The following KLHL25 variants were observed in gnomAD, a reference collection of about 807,000 sequenced individuals.
KLHL25 encodes kelch like family member 25.
In KLHL25, 41 loss-of-function variants were observed where a neutral mutation model predicts 30.0. That is an observed-to-expected ratio of 1.37 (90% CI 1.07 to 1.78). The LOEUF is 1.78. KLHL25 is among the 40% of genes most tolerant of loss of function. The pLI is 0.00. For missense variants in KLHL25, 971 were observed against 824.5 expected (o/e 1.18, Z -2.18); for synonymous variants, 399 against 355.3 (o/e 1.12, Z -1.38).
intron 1 of KLHL25, among the ~76,000 whole-genome samples, chr15:85,774,939 C>T (rs1016234776): frequency 1.3e-5 from 2 of 150,306 alleles, no homozygotes; most frequent in African/African-American, 2.4e-5. Context: ...TGCAATGGCG[C>T]GATCTCAGCT....
intron 1 of KLHL25, among the ~76,000 whole-genome samples, chr15:85,776,982 C>T (rs1405207234): frequency 1.3e-5 from 2 of 152,054 alleles, no homozygotes; most frequent in African/African-American, 2.4e-5. Context: ...AGTGAAGCCA[C>T]AAGAATTGTG....
At chr15:85,770,063 A>T (rs16944140) in intron 1 of KLHL25, among the ~76,000 whole-genome samples, 409 of 152,342 alleles carry the variant, frequency 2.7e-3, no homozygotes, top group African/African-American at 9.2e-3. Flanking sequence ...TGGGACAAAC[A>T]TCTCTGGCCT....
intron 1 of KLHL25, among the ~76,000 whole-genome samples, chr15:85,778,536 G>T (rs762008386): frequency 1.3e-5 from 2 of 152,204 alleles, no homozygotes; most frequent in East Asian, 1.9e-4. Context: ...CACAGCTTAG[G>T]AAACTGGGCA....
Position 85,769,709 on chromosome 15 carries a change from G to T in KLHL25, c.102C>A (p.Ala34=), listed in dbSNP as rs764807391. The change falls in exon 2 of 3, where the codon GCC becomes GCA. Residue 34 remains alanine, a synonymous_variant. Coordinates refer to ENST00000337975, the MANE Select transcript of KLHL25 (RefSeq NM_022480.4). ...AGTGCTTGCGAAGCGTGTTGAGGTG[G>T]GCCAGCACACAGTCCGGGTGGGAGG... The part of the protein sequence containing the change: ...HKASHPDCVL[A]HLNTLRKHCM... The T allele has an allele frequency of 6.2e-7, 1 of 1,613,972 alleles. No homozygotes were observed. Among genetic ancestry groups the T allele is most frequent in the Non-Finnish European group, 8.5e-7 (1 of 1,180,036 alleles).
chr15:85,769,859 C>T (rs755685094), intron 1 of KLHL25, 39 bp from the exon 2 acceptor site: 14 of 1,518,004 alleles, frequency 9.2e-6, no homozygotes, highest in Non-Finnish European at 1.3e-5. Flanking sequence ...AGGAGCCCCT[C>T]CTGCCCATCT....
At chr15:85,793,441 C>A (rs888809100) in intron 1 of KLHL25, among the ~76,000 whole-genome samples, 39 of 152,190 alleles carry the variant, frequency 2.6e-4, no homozygotes, top group Non-Finnish European at 1.0e-4. Flanking sequence ...CAAGAGCCTC[C>A]GGTCTTGGGA....
intron 1 of KLHL25, among the ~76,000 whole-genome samples, chr15:85,791,066 G>A (rs896726079): frequency 6.6e-5 from 10 of 151,730 alleles, no homozygotes; most frequent in African/African-American, 1.5e-4. Flanking sequence ...GCATGGTGGC[G>A]GGTGCCTGTA....
Position 85,768,988 on chromosome 15 carries a change from T to C in KLHL25, c.823A>G (p.Arg275Gly), listed in dbSNP as rs2089647750. ...IMDEALRCKTRILQNDGVVTS... is the reference protein window; with the variant it reads ...IMDEALRCKTGILQNDGVVTS... The stretch of plus-strand genomic sequence containing the variant: ...ACCACGCCATCATTCTGCAGGATCC[T>C]GGTCTTGCAGCGCAGGGCCTCATCC... The change falls in exon 2 of 3, where the codon AGG (arginine) becomes GGG (glycine). Residue 275 changes from arginine (R) to glycine (G), a missense_variant. Coordinates refer to ENST00000337975, the MANE Select transcript of KLHL25 (RefSeq NM_022480.4). 6.2e-7 allele frequency: 1 copy of C among 1,612,698 alleles called. No individual in the cohort carries two copies. The highest frequency in any genetic ancestry group is 1.6e-4 in the Middle Eastern group (1 of 6,062).
At chr15:85,780,678 C>T (rs965179705) in intron 1 of KLHL25, among the ~76,000 whole-genome samples, 2 of 152,220 alleles carry the variant, frequency 1.3e-5, no homozygotes, top group Non-Finnish European at 2.9e-5. Flanking sequence ...CTTCTCTAGG[C>T]TGTCAACGCT....
intron 2 of KLHL25, among the ~76,000 whole-genome samples, chr15:85,767,395 C>T (rs905905869): frequency 6.6e-5 from 10 of 152,240 alleles, no homozygotes; most frequent in Non-Finnish European, 1.0e-4. Context: ...CCACCATGCC[C>T]GGGCCTGGTT....
chr15:85,768,071 A>G lies in KLHL25; in HGVS notation c.1740T>C (p.Phe580=), dbSNP rs371623117. 133 of 1,612,970 alleles carry G rather than the reference A, an allele frequency of 8.2e-5. No individual in the cohort carries two copies. Among genetic ancestry groups the G allele is most frequent in the Admixed American group, 4.5e-4 (27 of 59,980 alleles). ...TVPYSLIPTA[F]VSTWKHLPA is the part of the protein sequence containing the mutation. ...CGGGCAGGTGCTTCCAGGTGCTGAC[A>G]AAGGCCGTGGGGATAAGTGAGTAGG... is the stretch of plus-strand genomic sequence containing the variant. Residue 580 remains phenylalanine (F), a synonymous_variant, in exon 2 of 3, where the codon TTT becomes TTC. Transcript: ENST00000337975.
At chr15:85,770,864 C>G in intron 1 of KLHL25, 1 of 337,840 alleles carries the variant, frequency 3.0e-6, no homozygotes, top group Non-Finnish European at 5.8e-6. Flanking sequence ...TCACTACTTG[C>G]TCAATCTAGG....
chr15:85,766,537 G>GC (rs1329028486), intron 2 of KLHL25, among the ~76,000 whole-genome samples: 2 of 151,388 alleles, frequency 1.3e-5, no homozygotes, highest in East Asian at 3.8e-4. Flanking sequence ...GGAAGACCCC[G>GC]CCCCCAGCTC....
At position 85,763,276 on chromosome 15, in the gene KLHL25, C is replaced by T. The variant is rs117304344; in HGVS notation, c.*25-2265G>A. On this transcript the variant is annotated intron_variant, in intron 2 of 2. Coordinates refer to ENST00000337975, the MANE Select transcript of KLHL25 (RefSeq NM_022480.4). ...AGGTTCCAGCTCAGCAATTCCCCGCCGCTTCTGGACGGCTGCTGGCCAAGC... is the reference window on the plus strand; with the variant it reads ...AGGTTCCAGCTCAGCAATTCCCCGCTGCTTCTGGACGGCTGCTGGCCAAGC... 581 of 152,478 alleles carry T rather than the reference C, an allele frequency of 3.8e-3. 2 individuals are homozygous for T. The highest frequency in any genetic ancestry group is 4.4e-3 in the Non-Finnish European group (297 of 68,164). 9.4% of individuals were successfully genotyped at this position (152,478 alleles called of 1,614,324 possible).
intron 1 of KLHL25, among the ~76,000 whole-genome samples, chr15:85,780,086 C>T (rs2089733959): frequency 6.6e-6 from 1 of 152,218 alleles, no homozygotes; most frequent in Admixed American, 6.5e-5. Flanking sequence ...ACTGTCAAGG[C>T]AGATGGAAGG....
In KLHL25 at chr15:85,769,217, C is replaced by T. The variant is rs143930621; in HGVS notation, c.594G>A (p.Ser198=). 0.013 allele frequency: 21,377 copies of T among 1,613,736 alleles called. 184 individuals carry two copies. Among genetic ancestry groups the T allele is most frequent in the Non-Finnish European group, 0.016 (18,338 of 1,180,020 alleles). The change falls in exon 2 of 3, where the codon TCG becomes TCA. Residue 198 remains serine (S), a synonymous_variant. Transcript: ENST00000337975. ...CGTCCTCGGTCTCCAGCTCATCACT[C>T]GAGATGAGGTCCAGCAGTGTGTCCT... is the stretch of plus-strand genomic sequence containing the variant. ...LSKDTLLDLI[S]SDELETEDER...
Position 85,769,175 on chromosome 15 carries a change from C to T in KLHL25, c.636G>A (p.Glu212=), listed in dbSNP as rs1389272269. 1 of 1,613,416 alleles carries T rather than the reference C, an allele frequency of 6.2e-7. No individual in the cohort carries two copies. Among genetic ancestry groups the T allele is most frequent in the East Asian group, 2.2e-5 (1 of 44,868 alleles). The change falls in exon 2 of 3, where the codon GAG becomes GAA. Residue 212 remains glutamate (E), a synonymous_variant. Coordinates refer to ENST00000337975, the MANE Select transcript of KLHL25 (RefSeq NM_022480.4). ...CGTGCTTCACCCACTGGAGGATGGC[C>T]TCGAAGACCACCCGCTCGTCCTCGG... ...LETEDERVVF[E]AILQWVKHDL... is the part of the protein sequence containing the mutation.
intron 1 of KLHL25, among the ~76,000 whole-genome samples, chr15:85,786,582 T>C (rs924482632): frequency 1.3e-5 from 2 of 152,356 alleles, no homozygotes; most frequent in South Asian, 4.1e-4. Flanking sequence ...TCTTTATTCC[T>C]GCAGACAGGT....
rs2089804303 is a variant in KLHL25 at position 85,789,800 on chromosome 15, C to T, written c.-11+4966G>A. Among the ~76,000 whole-genome samples, 1 of 152,198 alleles carries T rather than the reference C, an allele frequency of 6.6e-6. No individual in the cohort carries two copies. Among genetic ancestry groups the T allele is most frequent in the Non-Finnish European group, 1.5e-5 (1 of 68,036 alleles). ...CCACGCCTGCTCCCCTAAGCCCAGC[C>T]TGGTGCTCCCCTGATGCAGTCTTCT... On this transcript the variant is annotated intron_variant, in intron 1 of 2. Transcript: ENST00000337975. The surrounding 1 kb of genome is among the most constrained non-coding windows in gnomAD (Gnocchi z 4.1).
Sources: gnomAD v4.1 joint callset for allele counts (sites outside exome capture counted in the v4.1 genomes callset) on GRCh38, gnomAD v4.1.1 for gene constraint, Gnocchi (gnomAD v3.1) non-coding constraint, MANE v1.5 for transcripts, NCBI Gene and HGNC (gene_info 2026-07-23, HGNC 2026-07-21) for gene names.